ADGRD1: variants seen among roughly 807,000 people sequenced by gnomAD.
ADGRD1 encodes the protein G-protein coupled receptor 133.
A neutral mutation model predicts 113.4 loss-of-function variants in ADGRD1; 77 were observed. That is an observed-to-expected ratio of 0.68 (90% confidence interval 0.57 to 0.82). ADGRD1 has a LOEUF of 0.82. ADGRD1 is among the 40% of genes least tolerant of loss of function. The pLI is 0.00. For synonymous variants in ADGRD1, 474 were observed against 475.0 expected (o/e 1.00, Z 0.03); for missense variants, 1,036 against 1,139.1 (o/e 0.91, Z 1.30).
At chr12:131,121,829 T>A (rs1031881153) in intron 20 of ADGRD1, 1 of 152,416 alleles carries the variant, frequency 6.6e-6, no homozygotes, top group African/African-American at 2.4e-5. Flanking sequence ...CGGAGGCTTT[T>A]TCCCAGCACT....
intron 13 of ADGRD1, chr12:131,023,699 C>T (rs1049771747): frequency 6.6e-6 from 1 of 152,194 alleles, no homozygotes; most frequent in East Asian, 1.9e-4. Flanking sequence ...CAGCTCATCT[C>T]CTACTCATGG....
intron 13 of ADGRD1, among the ~76,000 whole-genome samples, chr12:131,066,047 T>C (rs1244028689): frequency 6.6e-6 from 1 of 152,026 alleles, no homozygotes; most frequent in Non-Finnish European, 1.5e-5. Flanking sequence ...GGTTAAACCT[T>C]AGAGCCCCAG....
intron 8 of ADGRD1, among the ~76,000 whole-genome samples, chr12:130,997,022 C>A (rs1875553040): frequency 7.3e-6 from 1 of 136,966 alleles, no homozygotes; most frequent in Admixed American, 6.9e-5. Flanking sequence ...GACCCCCCCA[C>A]CTCCCTCCCG....
chr12:131,073,938 C>T (rs1436306205), intron 13 of ADGRD1, among the ~76,000 whole-genome samples: 1 of 152,152 alleles, frequency 6.6e-6, no homozygotes, highest in East Asian at 1.9e-4. Flanking sequence ...GGCCCCATCT[C>T]CCAACACTGC....
intron 13 of ADGRD1, among the ~76,000 whole-genome samples, chr12:131,072,463 A>G (rs1195423924): frequency 1.3e-5 from 2 of 152,026 alleles, no homozygotes; most frequent in Admixed American, 6.6e-5. Context: ...GCACAAGTCT[A>G]CCCCTCTGCC....
In ADGRD1 at chr12:131,136,046, C is replaced by G. The variant is rs2136110631; in HGVS notation, c.2277C>G (p.Ala759=). ...CACTGTTTCTCTCCAGGTTGACAGC[C>G]AAGGCAGTGGCCGTGCTGCTGCCCA... ...HGDPSAFKLT[A]KAVAVLLPIL... Residue 759 remains alanine, a synonymous_variant, in exon 22 of 25, where the codon GCC becomes GCG. Coordinates refer to ENST00000261654, the MANE Select transcript of ADGRD1 (RefSeq NM_198827.5). The G allele has an allele frequency of 6.2e-7, 1 of 1,614,134 alleles. No individual in the cohort carries two copies. The highest frequency in any genetic ancestry group is 1.3e-5 in the African/African-American group (1 of 75,066).
intron 12 of ADGRD1, among the ~76,000 whole-genome samples, chr12:131,010,061 G>A (rs1877676523): frequency 6.6e-6 from 1 of 152,188 alleles, no homozygotes. Context: ...ACGTCACCTG[G>A]GCAGCATCGG....
Position 131,075,806 on chromosome 12 carries a change from G to A in ADGRD1, c.1474-995G>A, listed in dbSNP as rs544943989. Among the ~76,000 whole-genome samples, 32 of 152,332 alleles carry A rather than the reference G, an allele frequency of 2.1e-4. No homozygotes were observed. The highest frequency in any genetic ancestry group is 5.5e-4 in the African/African-American group (23 of 41,564). On this transcript the variant is annotated intron_variant, in intron 13 of 24. Coordinates refer to ENST00000261654, the MANE Select transcript of ADGRD1 (RefSeq NM_198827.5). This position sits in a 1 kb window ranked among gnomAD's most constrained non-coding sequence, Gnocchi z 5.3. ...CAAGTCAGTGCCTTCCTGAGGGCTG[G>A]TCACCCTGAAATGGGGGAAGGGTCT...
At chr12:131,117,897 ACT>A (rs1950506892) in intron 18 of ADGRD1, among the ~76,000 whole-genome samples, 1 of 152,004 alleles carries the variant, frequency 6.6e-6, no homozygotes, top group South Asian at 2.1e-4. Context: ...GGGCTGGGTG[ACT>A]CTTGTGGGGC....
chr12:131,081,954 A>G (rs1886099770), intron 14 of ADGRD1, among the ~76,000 whole-genome samples: 1 of 152,180 alleles, frequency 6.6e-6, no homozygotes, highest in African/African-American at 2.4e-5. Context: ...ATATCAATAT[A>G]TTATTTTGTT....
At position 131,113,972 on chromosome 12, in the gene ADGRD1, GGCATACGTGCATGTGTGCAC is replaced by G. The variant is rs536642676; in HGVS notation, c.2042-4409_2042-4390del. 3.3e-4 allele frequency among the ~76,000 whole-genome samples: 51 copies of G among 152,302 alleles called. No homozygotes were observed. In the South Asian group the frequency reaches 0.011, roughly 32 times the overall value. Reference sequence around the variant, plus strand: ...TATGGATACAGTCATGTAATTTAGAGGCATACGTGCATGTGTGCACGCACACACACGCACACACACTCACA... The same window carrying G: ...TATGGATACAGTCATGTAATTTAGAGGCACACACACGCACACACACTCACA... On this transcript the variant is annotated intron_variant, in intron 18 of 24. Transcript: ENST00000261654. The surrounding 1 kb of genome is among the most constrained non-coding windows in gnomAD (Gnocchi z 4.9).
chr12:131,115,206 G>A (rs969227887), intron 18 of ADGRD1, among the ~76,000 whole-genome samples: 7 of 152,314 alleles, frequency 4.6e-5, no homozygotes, highest in Middle Eastern at 3.4e-3. Flanking sequence ...ATGGTGGCCC[G>A]TGGTGGTGGA....
At chr12:131,070,596 G>A (rs962958630) in intron 13 of ADGRD1, 1 of 268,738 alleles carries the variant, frequency 3.7e-6, no homozygotes, top group Non-Finnish European at 7.7e-6. Flanking sequence ...GCGGGGACTC[G>A]GTGCGGGAGA....
chr12:131,139,245 C>A lies in ADGRD1; in HGVS notation c.2607C>A (p.Val869=), dbSNP rs540751477. ...AGAGCAGCCACTCTGCCCACCGCGT[C>A]GACCTGTCAGCCGTGTGAGCCGGGA... ...WDKSSHSAHR[V]DLSAV is the part of the protein sequence containing the mutation. Residue 869 remains valine (V), a synonymous_variant, in exon 25 of 25, where the codon GTC becomes GTA. Transcript: ENST00000261654. The A allele has an allele frequency of 6.2e-7, 1 of 1,612,704 alleles. No homozygotes were observed. The highest frequency in any genetic ancestry group is 1.1e-5 in the South Asian group (1 of 90,916).
intron 9 of ADGRD1, among the ~76,000 whole-genome samples, chr12:131,000,764 AAGAG>A (rs1368710254): frequency 7.9e-5 from 12 of 151,258 alleles, no homozygotes; most frequent in South Asian, 4.2e-4. Context: ...AAAAAAAAAA[AAGAG>A]AGAGAGAGAA....
At chr12:131,039,925 C>T (rs1881944187) in intron 13 of ADGRD1, among the ~76,000 whole-genome samples, 2 of 152,238 alleles carry the variant, frequency 1.3e-5, no homozygotes, top group Admixed American at 1.3e-4. Context: ...GCTGGTGGCC[C>T]TGCCGGCGGT....
chr12:131,079,141 A>G (rs761739800), intron 14 of ADGRD1, among the ~76,000 whole-genome samples: 1 of 152,208 alleles, frequency 6.6e-6, no homozygotes, highest in Admixed American at 6.5e-5. Context: ...TTAATTTTGC[A>G]TAGTGTGTTG....
rs927259703 is a variant in ADGRD1, at chr12:131,084,218, G to T, written c.1548-322G>T. 2.6e-5 allele frequency among the ~76,000 whole-genome samples: 4 copies of T among 152,202 alleles called. No homozygotes were observed. The highest frequency in any genetic ancestry group is 9.6e-5 in the African/African-American group (4 of 41,454). On this transcript the variant is annotated intron_variant, in intron 14 of 24. Coordinates refer to ENST00000261654, the MANE Select transcript of ADGRD1 (RefSeq NM_198827.5). The surrounding 1 kb of genome is among the most constrained non-coding windows in gnomAD (Gnocchi z 4.5). ...CTAGGCGCAGGGCTGTGGGCCATGT[G>T]CGTTTCATTTTGTGCTGGGCTTGGT...
intron 8 of ADGRD1, among the ~76,000 whole-genome samples, chr12:130,997,689 G>A (rs1190680853): frequency 2.0e-5 from 3 of 151,184 alleles, no homozygotes; most frequent in South Asian, 2.1e-4. Flanking sequence ...ACGGGATGGC[G>A]GCCGGGCAGA....
Sources: gnomAD v4.1 joint callset for allele counts (sites outside exome capture counted in the v4.1 genomes callset) on GRCh38, gnomAD v4.1.1 for gene constraint, Gnocchi (gnomAD v3.1) non-coding constraint, MANE v1.5 for transcripts, NCBI Gene and HGNC (gene_info 2026-07-23, HGNC 2026-07-21) for gene names.